The following UTRN variants were observed in gnomAD, a reference collection of about 807,000 sequenced individuals.
UTRN encodes dystrophin-related protein 1.
In UTRN, 283 loss-of-function variants were observed where a neutral mutation model predicts 463.9. That is an observed-to-expected ratio of 0.61 (90% CI 0.55 to 0.67). The LOEUF is 0.67. Among genes scored for constraint, UTRN ranks in the 30% least tolerant of loss-of-function variants. The probability of loss-of-function intolerance (pLI) is 0.00; values close to 1 mark genes in which losing one functional copy is unlikely to be tolerated. For missense variants in UTRN, 3,922 were observed against 4,084.3 expected (o/e 0.96, Z 1.08); for synonymous variants, 1,442 against 1,431.5 (o/e 1.01, Z -0.17).
At chr6:144,646,660 A>G (rs966804174) in intron 51 of UTRN, among the ~76,000 whole-genome samples, 36 of 152,170 alleles carry the variant, frequency 2.4e-4, no homozygotes, top group Non-Finnish European at 1.6e-4. Context: ...CTAAGTCAAG[A>G]AAACCTCTCA....
At chr6:144,664,608 A>G (rs1266286627) in intron 51 of UTRN, among the ~76,000 whole-genome samples, 4 of 151,656 alleles carry the variant, frequency 2.6e-5, no homozygotes, top group African/African-American at 4.8e-5. Flanking sequence ...CATTATTAGC[A>G]TCGATTTCTT....
intron 51 of UTRN, among the ~76,000 whole-genome samples, chr6:144,667,321 G>T (rs1303262688): frequency 6.6e-6 from 1 of 152,164 alleles, no homozygotes; most frequent in Admixed American, 6.5e-5. Context: ...GCCTCCCAAA[G>T]TTCTGGGATT....
chr6:144,451,458 A>T lies in UTRN; in HGVS notation c.2161A>T (p.Met721Leu). Residue 721 changes from methionine (M) to leucine (L), a missense_variant, in exon 18 of 75, where the codon ATG becomes TTG. By Grantham distance (15) the Met-to-Leu change is conservative. Coordinates refer to ENST00000367545, the MANE Select transcript of UTRN (RefSeq NM_007124.3). The part of the protein sequence containing the change: ...QTTEIKEYMK[M>L]QDTSEMKKKL... ...CACAGAGATAAAAGAGTATATGAAG[A>T]TGCAAGACACTTCCGAAATGAAAAA... 6.2e-7 allele frequency: 1 copy of T among 1,612,338 alleles called. No individual in the cohort carries two copies. Among genetic ancestry groups the T allele is most frequent in the Non-Finnish European group, 8.5e-7 (1 of 1,179,540 alleles).
intron 64 of UTRN, 152 bp from the exon 65 acceptor site, chr6:144,802,884 A>C (rs182054410): frequency 4.4e-5 from 18 of 405,248 alleles, no homozygotes; most frequent in Non-Finnish European, 6.0e-5. Context: ...TCTCCCTCTC[A>C]TGTATAAACA....
chr6:144,512,020 G>A (rs1036206119), intron 35 of UTRN, among the ~76,000 whole-genome samples: 23 of 152,152 alleles, frequency 1.5e-4, no homozygotes, highest in Middle Eastern at 3.4e-3. Flanking sequence ...GATGTGTAGG[G>A]CAGTGAAGAG....
chr6:144,455,010 C>T (rs992313378), intron 19 of UTRN, among the ~76,000 whole-genome samples: 1 of 151,946 alleles, frequency 6.6e-6, no homozygotes, highest in Non-Finnish European at 1.5e-5. Context: ...ATTTTGCCTC[C>T]AGCCTTTAAC....
chr6:144,426,075 A>G (rs1050406989), intron 6 of UTRN, among the ~76,000 whole-genome samples: 6 of 152,244 alleles, frequency 3.9e-5, no homozygotes, highest in African/African-American at 1.4e-4. Context: ...AAGTGAGGTA[A>G]AAATCACCTC....
intron 62 of UTRN, among the ~76,000 whole-genome samples, chr6:144,793,284 A>ATT (rs148003097): frequency 2.7e-5 from 4 of 150,464 alleles, no homozygotes; most frequent in South Asian, 4.2e-4. Flanking sequence ...GTGTTTTTTT[A>ATT]TTTTTTTTTG....
intron 33 of UTRN, among the ~76,000 whole-genome samples, chr6:144,496,837 C>T (rs960576803): frequency 2.6e-5 from 4 of 152,106 alleles, no homozygotes; most frequent in Non-Finnish European, 4.4e-5. Context: ...ATGCATAAGC[C>T]GAGATCTGAA....
chr6:144,561,254 T>TACAC lies in UTRN; in HGVS notation c.7289+3944_7289+3945insCACA, dbSNP rs1338147363. Among the ~76,000 whole-genome samples the TACAC allele has an allele frequency of 9.5e-3, 523 of 54,774 alleles. 15 individuals are homozygous for TACAC. Among genetic ancestry groups the TACAC allele is most frequent in the South Asian group, 0.035 (52 of 1,468 alleles). The allele number at this position is 54,774 out of a possible 152,430, so 35.9% of individuals were successfully genotyped here. ...ATATATATATATATATATATATATA[T>TACAC]ATATATACATACACACACACACGTA... On this transcript the variant is annotated intron_variant, in intron 50 of 74. Transcript: ENST00000367545.
chr6:144,653,896 G>A (rs1779071271), intron 51 of UTRN, among the ~76,000 whole-genome samples: 1 of 152,204 alleles, frequency 6.6e-6, no homozygotes, highest in Non-Finnish European at 1.5e-5. Context: ...ATGACTTAAA[G>A]TAAAGGAATT....
At chr6:144,763,915 T>C (rs998683379) in intron 58 of UTRN, among the ~76,000 whole-genome samples, 12 of 152,154 alleles carry the variant, frequency 7.9e-5, no homozygotes, top group African/African-American at 2.7e-4. Context: ...TGAGGGATGG[T>C]ATCTTTTTGG....
Position 144,540,057 on chromosome 6 carries a change from G to T in UTRN, c.6519+614G>T, listed in dbSNP as rs1333398908. Among the ~76,000 whole-genome samples the T allele has an allele frequency of 1.3e-4, 18 of 138,910 alleles. 1 individual carries two copies. The highest frequency in any genetic ancestry group is 2.4e-4 in the South Asian group (1 of 4,186). 91.1% of individuals were successfully genotyped at this position (138,910 alleles called of 152,430 possible). On this transcript the variant is annotated intron_variant, in intron 45 of 74. Coordinates refer to ENST00000367545, the MANE Select transcript of UTRN (RefSeq NM_007124.3). ...GACCCTGTCTCAAAAAAAAAAAAAA[G>T]AAATAAATAAAGAAAATAGCATCCT...
At chr6:144,551,728 C>T (rs1436843561) in intron 48 of UTRN, among the ~76,000 whole-genome samples, 1 of 152,174 alleles carries the variant, frequency 6.6e-6, no homozygotes, top group East Asian at 1.9e-4. Context: ...AGAGTGACAC[C>T]TAGGGATTGT....
chr6:144,752,476 G>T (rs1316725996), intron 56 of UTRN, among the ~76,000 whole-genome samples: 1 of 151,942 alleles, frequency 6.6e-6, no homozygotes, highest in Non-Finnish European at 1.5e-5. Context: ...ATTTAAATAT[G>T]CAATTTTGAT....
chr6:144,583,660 C>T, intron 51 of UTRN: 1 of 497,340 alleles, frequency 2.0e-6, no homozygotes, highest in East Asian at 3.1e-5. Context: ...GTTTCTCAGG[C>T]TCTAAAAACT....
At chr6:144,736,351 A>T (rs570645290) in intron 54 of UTRN, among the ~76,000 whole-genome samples, 4 of 152,292 alleles carry the variant, frequency 2.6e-5, no homozygotes, top group African/African-American at 9.6e-5. Flanking sequence ...TGTGATGTGT[A>T]CCATGCTATA....
At chr6:144,442,927 G>A (rs1470760617) in intron 13 of UTRN, among the ~76,000 whole-genome samples, 1 of 152,178 alleles carries the variant, frequency 6.6e-6, no homozygotes, top group Non-Finnish European at 1.5e-5. Flanking sequence ...ATCTAGGTGA[G>A]GGAGGGATGC....
At chr6:144,710,722 T>G (rs192841636) in intron 53 of UTRN, among the ~76,000 whole-genome samples, 1 of 152,358 alleles carries the variant, frequency 6.6e-6, no homozygotes, top group African/African-American at 2.4e-5. Flanking sequence ...GAGTCTTTTC[T>G]GATAGTTTTG....
Sources: allele counts gnomAD v4.1 joint callset (sites outside exome capture counted in the v4.1 genomes callset), GRCh38; gene constraint gnomAD v4.1.1; transcripts MANE v1.5; gene names NCBI Gene and HGNC (gene_info 2026-07-23, HGNC 2026-07-21).